Variants in CSMD1 observed in about 807,000 individuals in gnomAD.
CSMD1 encodes the protein CUB and Sushi multiple domains 1, also known as CUB and sushi domain-containing protein 1.
Under a neutral mutation model 417.5 loss-of-function variants are expected in CSMD1, and 213 were observed. The observed-to-expected ratio is 0.51, with a 90% confidence interval of 0.46 to 0.57. CSMD1 has a LOEUF of 0.57. CSMD1 is among the 20% of genes least tolerant of loss of function. The probability of loss-of-function intolerance (pLI) is 0.00; values close to 1 mark genes in which losing one functional copy is unlikely to be tolerated. For missense variants in CSMD1, 6,923 were observed against 4,529.7 expected, an observed-to-expected ratio of 1.53 and a Z score of -15.17; for synonymous variants, 2,862 against 1,736.8, an observed-to-expected ratio of 1.65 and a Z score of -16.11.
chr8:4,430,901 G>GT (rs1368062225), intron 2 of CSMD1, among the ~76,000 whole-genome samples: 1 of 152,112 alleles, frequency 6.6e-6, no homozygotes, highest in Non-Finnish European at 1.5e-5. Context: ...CTCCTGAATG[G>GT]TAAGGATCCA....
intron 7 of CSMD1, among the ~76,000 whole-genome samples, chr8:3,670,800 G>A (rs1244572645): frequency 6.6e-6 from 1 of 150,530 alleles, no homozygotes; most frequent in South Asian, 2.1e-4. Context: ...ATGTATATGG[G>A]ATATATATGT....
At position 4,310,512 on chromosome 8, in the gene CSMD1, C is replaced by T. The variant is rs1208420494; in HGVS notation, c.415+109441G>A. 3.5e-5 allele frequency among the ~76,000 whole-genome samples: 4 copies of T among 114,202 alleles called. No individual in the cohort carries two copies. The East Asian group carries it at 1.4e-3, about 41-fold the overall frequency. The allele number at this position is 114,202 out of a possible 152,430, so 74.9% of individuals were successfully genotyped here. A position where few individuals can be genotyped will look rare whatever the true frequency, so the allele number is the denominator to read the frequency against. Reference sequence around the variant, plus strand: ...TATTAATTTGAAACTTCTTTTCTTCCACATTAAATAAAATATCTTTGGACA... The same window carrying T: ...TATTAATTTGAAACTTCTTTTCTTCTACATTAAATAAAATATCTTTGGACA... On this transcript the variant is annotated intron_variant, in intron 3 of 69. Transcript: ENST00000635120.
intron 28 of CSMD1, among the ~76,000 whole-genome samples, chr8:3,221,828 C>A (rs990490753): frequency 2.0e-5 from 3 of 152,080 alleles, no homozygotes; most frequent in African/African-American, 7.2e-5. Context: ...CCTGAACGAG[C>A]CTGGGAGCCC....
At chr8:4,349,647 T>C (rs1800973225) in intron 3 of CSMD1, among the ~76,000 whole-genome samples, 2 of 152,186 alleles carry the variant, frequency 1.3e-5, no homozygotes, top group African/African-American at 4.8e-5. Flanking sequence ...CATACCTTCA[T>C]AATATTTGGC....
chr8:4,175,953 A>G (rs533798297), intron 3 of CSMD1, among the ~76,000 whole-genome samples: 6 of 152,260 alleles, frequency 3.9e-5, no homozygotes, highest in African/African-American at 1.4e-4. Context: ...CATTGGTGGC[A>G]TGGGGCAGCT....
chr8:4,248,345 C>A (rs903654909), intron 3 of CSMD1, among the ~76,000 whole-genome samples: 1 of 152,144 alleles, frequency 6.6e-6, no homozygotes, highest in Non-Finnish European at 1.5e-5. Context: ...CCCAGCCAAA[C>A]ACGCTTTTAC....
chr8:4,787,507 T>C lies in CSMD1; in HGVS notation c.86-149949A>G, dbSNP rs1797467799. ...CAAAGAAAATCACCAGTTGTATTTT[T>C]CAGTTATTATAGGAAGCAGGTATTA... On this transcript the variant is annotated intron_variant, in intron 1 of 69. Transcript: ENST00000635120. 3.0e-6 allele frequency: 3 copies of C among 986,146 alleles called. No homozygotes were observed. The South Asian group carries it at 4.1e-5, about 13-fold the overall frequency. The allele number at this position is 986,146 out of a possible 1,614,324, so 61.1% of individuals were successfully genotyped here.
intron 3 of CSMD1, among the ~76,000 whole-genome samples, chr8:4,243,400 C>T (rs1353744964): frequency 6.6e-6 from 1 of 152,162 alleles, no homozygotes; most frequent in South Asian, 2.1e-4. Flanking sequence ...GAGAATGACT[C>T]ATCCTCTACT....
chr8:4,720,806 G>A (rs934306407), intron 1 of CSMD1, among the ~76,000 whole-genome samples: 5 of 152,100 alleles, frequency 3.3e-5, no homozygotes, highest in Non-Finnish European at 5.9e-5. Flanking sequence ...TCCATCTAAA[G>A]ATCAACAACG....
chr8:4,518,663 GC>G (rs1309248805), intron 2 of CSMD1, among the ~76,000 whole-genome samples: 6 of 149,632 alleles, frequency 4.0e-5, no homozygotes, highest in South Asian at 4.3e-4. Flanking sequence ...TATACCTAAT[GC>G]TAAATGACGA....
intron 3 of CSMD1, among the ~76,000 whole-genome samples, chr8:4,138,250 C>A (rs78850197): frequency 2.4e-5 from 2 of 82,062 alleles, no homozygotes; most frequent in East Asian, 5.5e-4. Context: ...ATGGGTTTTC[C>A]TTTTCTCCTG....
intron 12 of CSMD1, among the ~76,000 whole-genome samples, chr8:3,437,659 C>T (rs1309462594): frequency 2.0e-5 from 3 of 152,108 alleles, no homozygotes; most frequent in Admixed American, 2.0e-4. Flanking sequence ...TTATTATTAA[C>T]ATTAATGTTT....
chr8:4,553,419 CATTT>C, intron 2 of CSMD1, among the ~76,000 whole-genome samples: 1 of 149,700 alleles, frequency 6.7e-6, no homozygotes, highest in South Asian at 2.1e-4. Flanking sequence ...TCCTGACAGG[CATTT>C]ATAAACTGAA....
intron 3 of CSMD1, among the ~76,000 whole-genome samples, chr8:4,340,915 G>C (rs947386500): frequency 6.6e-6 from 1 of 151,998 alleles, no homozygotes; most frequent in Non-Finnish European, 1.5e-5. Context: ...GGGAACTCAA[G>C]CGGAGAGATT....
intron 1 of CSMD1, among the ~76,000 whole-genome samples, chr8:4,770,857 A>G (rs906279864): frequency 6.6e-6 from 1 of 152,166 alleles, no homozygotes; most frequent in Non-Finnish European, 1.5e-5. Context: ...TGAAAATCCC[A>G]GAATACACAG....
chr8:4,140,934 C>T (rs144518714), intron 3 of CSMD1, among the ~76,000 whole-genome samples: 7 of 151,300 alleles, frequency 4.6e-5, no homozygotes, highest in African/African-American at 1.7e-4. Flanking sequence ...AAAACTTCAA[C>T]ACCAACAACA....
At chr8:4,133,381 A>G (rs549316987) in intron 3 of CSMD1, among the ~76,000 whole-genome samples, 2 of 152,350 alleles carry the variant, frequency 1.3e-5, no homozygotes, top group Non-Finnish European at 2.9e-5. Flanking sequence ...GTGACACTTT[A>G]TAACATATAT....
At chr8:4,130,083 G>A (rs527922583) in intron 3 of CSMD1, among the ~76,000 whole-genome samples, 1 of 152,260 alleles carries the variant, frequency 6.6e-6, no homozygotes, top group East Asian at 1.9e-4. Flanking sequence ...GTGTGTGTGT[G>A]AGAGGAGGGC....
chr8:3,613,722 C>CACAA (rs779407276), intron 8 of CSMD1, among the ~76,000 whole-genome samples: 1 of 111,026 alleles, frequency 9.0e-6, no homozygotes, highest in Non-Finnish European at 2.0e-5. Context: ...CACACACACA[C>CACAA]ACACACACAC....
Sources: allele counts gnomAD v4.1 joint callset (sites outside exome capture counted in the v4.1 genomes callset), GRCh38; gene constraint gnomAD v4.1.1; transcripts MANE v1.5; gene names NCBI Gene and HGNC (gene_info 2026-07-23, HGNC 2026-07-21).